Variants in TMEM132D observed in about 807,000 individuals in gnomAD.
TMEM132D encodes mature OL transmembrane protein.
TMEM132D carries 21 observed loss-of-function variants against 62.3 expected under a neutral mutation model. The observed-to-expected ratio is 0.34, with a 90% CI of 0.24 to 0.49. The LOEUF (loss-of-function observed/expected upper bound fraction) is 0.49, where lower values mean the gene tolerates loss of function less well. TMEM132D is among the 20% of genes least tolerant of loss of function. TMEM132D has a pLI of 0.99. For missense variants in TMEM132D, 1,346 were observed against 1,402.8 expected (o/e 0.96, Z 0.65); for synonymous variants, 621 against 575.6 (o/e 1.08, Z -1.13).
rs916002503 is a variant in TMEM132D, at chr12:129,779,042, G to A, written c.80-78344C>T. On this transcript the variant is annotated intron_variant, in intron 1 of 8. Coordinates refer to ENST00000422113, the MANE Select transcript of TMEM132D (RefSeq NM_133448.3). This position sits in a 1 kb window ranked among gnomAD's most constrained non-coding sequence, Gnocchi z 4.1. ...TCCTGGGCTAGAATTGTGCCTCCAT[G>A]GCTGAGAGGGAGCCTGACCCCTTGC... Among the ~76,000 whole-genome samples, 2 of 152,162 alleles carry A rather than the reference G, an allele frequency of 1.3e-5. No individual in the cohort carries two copies. The highest frequency in any genetic ancestry group is 4.1e-4 in the South Asian group (2 of 4,824).
At chr12:129,124,105 A>G (rs1876144677) in intron 5 of TMEM132D, among the ~76,000 whole-genome samples, 1 of 152,160 alleles carries the variant, frequency 6.6e-6, no homozygotes, top group Admixed American at 6.5e-5. Context: ...AGGTAGCCTC[A>G]TGGTGAGTTT....
At chr12:129,651,352 G>C (rs112013044) in intron 2 of TMEM132D, among the ~76,000 whole-genome samples, 1 of 152,124 alleles carries the variant, frequency 6.6e-6, no homozygotes, top group Non-Finnish European at 1.5e-5. Context: ...TTGCACCAGT[G>C]CTTTTCAATT....
intron 3 of TMEM132D, among the ~76,000 whole-genome samples, chr12:129,500,115 CCA>C (rs1185750332): frequency 6.7e-6 from 1 of 150,136 alleles, no homozygotes; most frequent in Non-Finnish European, 1.5e-5. Context: ...CATCTGTCCC[CCA>C]CTTCAGTCGA....
intron 5 of TMEM132D, among the ~76,000 whole-genome samples, chr12:129,143,785 C>A (rs1417068835): frequency 6.6e-6 from 1 of 152,116 alleles, no homozygotes; most frequent in African/African-American, 2.4e-5. Flanking sequence ...GCACAGTATA[C>A]CTGCAGATGG....
chr12:129,465,698 T>C (rs1873867880), intron 3 of TMEM132D, among the ~76,000 whole-genome samples: 1 of 152,194 alleles, frequency 6.6e-6, no homozygotes, highest in African/African-American at 2.4e-5. Context: ...CTTATTTTAT[T>C]TTATGAGACA....
At chr12:129,693,156 C>G in intron 2 of TMEM132D, among the ~76,000 whole-genome samples, 1 of 152,110 alleles carries the variant, frequency 6.6e-6, no homozygotes, top group East Asian at 1.9e-4. Flanking sequence ...AAACTAGATG[C>G]TTACTCACTA....
chr12:129,568,727 T>G (rs1877434007), intron 2 of TMEM132D, among the ~76,000 whole-genome samples: 1 of 152,246 alleles, frequency 6.6e-6, no homozygotes. Flanking sequence ...GTATCTCCAA[T>G]TCATTATATT....
At chr12:129,372,442 G>C (rs1870638940) in intron 3 of TMEM132D, among the ~76,000 whole-genome samples, 1 of 152,134 alleles carries the variant, frequency 6.6e-6, no homozygotes, top group Admixed American at 6.6e-5. Flanking sequence ...TCTCCTGTCA[G>C]GTCAGGATCA....
chr12:129,591,709 G>C (rs1878196652), intron 2 of TMEM132D, among the ~76,000 whole-genome samples: 1 of 151,818 alleles, frequency 6.6e-6, no homozygotes, highest in Non-Finnish European at 1.5e-5. Context: ...ACCTCACGAA[G>C]CTTTTTTCCC....
At chr12:129,790,772 A>G (rs1281902533) in intron 1 of TMEM132D, among the ~76,000 whole-genome samples, 5 of 152,196 alleles carry the variant, frequency 3.3e-5, no homozygotes, top group African/African-American at 1.2e-4. Context: ...CTCTGCCCAG[A>G]ATTTCCCTGC....
intron 1 of TMEM132D, among the ~76,000 whole-genome samples, chr12:129,899,276 GATGC>G (rs1267334891): frequency 8.8e-6 from 1 of 113,146 alleles, no homozygotes; most frequent in Non-Finnish European, 1.9e-5. Context: ...TGGATGGATG[GATGC>G]ATGGATGGAT....
chr12:129,681,918 T>C (rs1880786990), intron 2 of TMEM132D, among the ~76,000 whole-genome samples: 1 of 152,138 alleles, frequency 6.6e-6, no homozygotes, highest in Non-Finnish European at 1.5e-5. Flanking sequence ...TGCTAATGTG[T>C]TTTTCACTTA....
chr12:129,604,432 T>C (rs892615219), intron 2 of TMEM132D, among the ~76,000 whole-genome samples: 2 of 152,208 alleles, frequency 1.3e-5, no homozygotes, highest in Non-Finnish European at 2.9e-5. Flanking sequence ...TGGGCATTTA[T>C]GAATAAAGGT....
chr12:129,513,541 G>A (rs1305850281), intron 3 of TMEM132D, among the ~76,000 whole-genome samples: 2 of 152,140 alleles, frequency 1.3e-5, no homozygotes, highest in Admixed American at 6.5e-5. Flanking sequence ...CTGGAGTGCA[G>A]TGGCGCGATC....
chr12:129,234,812 C>T (rs1879735394), intron 4 of TMEM132D, among the ~76,000 whole-genome samples: 1 of 152,080 alleles, frequency 6.6e-6, no homozygotes, highest in Non-Finnish European at 1.5e-5. Flanking sequence ...CAAAGGCAAT[C>T]TATGTGGGTG....
chr12:129,300,059 G>A (rs1160479506), intron 4 of TMEM132D, among the ~76,000 whole-genome samples: 3 of 152,150 alleles, frequency 2.0e-5, no homozygotes, highest in Admixed American at 6.5e-5. Flanking sequence ...GTGAGTCTCC[G>A]CATATTTGGA....
At chr12:129,519,943 C>T (rs1031165143) in intron 3 of TMEM132D, among the ~76,000 whole-genome samples, 3 of 152,024 alleles carry the variant, frequency 2.0e-5, no homozygotes, top group Non-Finnish European at 2.9e-5. Context: ...AAGGAAACAA[C>T]CAGGAGAAAA....
chr12:129,579,870 G>C (rs1877793391), intron 2 of TMEM132D, among the ~76,000 whole-genome samples: 1 of 152,188 alleles, frequency 6.6e-6, no homozygotes, highest in Admixed American at 6.5e-5. Flanking sequence ...CACAATGAGA[G>C]ACACATAAGC....
At chr12:129,727,675 A>C (rs1307992183) in intron 1 of TMEM132D, among the ~76,000 whole-genome samples, 2 of 152,184 alleles carry the variant, frequency 1.3e-5, no homozygotes, top group Non-Finnish European at 2.9e-5. Context: ...TTCATTGCTA[A>C]GATCCAGTTA....
Sources: allele counts gnomAD v4.1 joint callset (sites outside exome capture counted in the v4.1 genomes callset), GRCh38; gene constraint gnomAD v4.1.1; non-coding constraint Gnocchi (gnomAD v3.1); transcripts MANE v1.5; gene names NCBI Gene and HGNC (gene_info 2026-07-23, HGNC 2026-07-21).